GSTCD: variants seen among roughly 807,000 people sequenced by gnomAD.
GSTCD encodes the protein glutathione S-transferase C-terminal domain containing.
GSTCD carries 44 observed loss-of-function variants against 68.3 expected under a neutral mutation model. The ratio of observed to expected loss-of-function variants is 0.64; its 90% CI spans 0.51 to 0.83. GSTCD has a LOEUF of 0.83. Ranked by LOEUF, GSTCD falls within the 40% of genes least tolerant of loss-of-function variation. The pLI is 0.00. For synonymous variants in GSTCD, 273 were observed against 255.2 expected (o/e 1.07, Z -0.67); for missense variants, 739 against 735.9 (o/e 1.00, Z -0.05).
intron 5 of GSTCD, among the ~76,000 whole-genome samples, chr4:105,771,008 T>C (rs566546898): frequency 6.6e-6 from 1 of 152,334 alleles, no homozygotes; most frequent in East Asian, 1.9e-4. Flanking sequence ...AGCATTCCTA[T>C]TTCTCCATAT....
At chr4:105,836,043 C>G (rs901789042) in intron 9 of GSTCD, among the ~76,000 whole-genome samples, 3 of 151,954 alleles carry the variant, frequency 2.0e-5, no homozygotes, top group African/African-American at 7.3e-5. Flanking sequence ...CATCTCATCT[C>G]TGCAACCCTC....
intron 5 of GSTCD, among the ~76,000 whole-genome samples, chr4:105,755,577 C>G (rs181183593): frequency 2.6e-5 from 4 of 152,138 alleles, no homozygotes; most frequent in African/African-American, 9.7e-5. Context: ...CATCATCTGC[C>G]TGGAGATAGT....
intron 5 of GSTCD, among the ~76,000 whole-genome samples, chr4:105,730,095 G>T (rs186500986): frequency 2.0e-3 from 309 of 152,266 alleles, no homozygotes; most frequent in Non-Finnish European, 3.6e-3. Context: ...TGGCTGCATA[G>T]TATTCCATGG....
At chr4:105,808,523 C>G (rs1194867187) in intron 5 of GSTCD, among the ~76,000 whole-genome samples, 1 of 152,058 alleles carries the variant, frequency 6.6e-6, no homozygotes, top group Non-Finnish European at 1.5e-5. Flanking sequence ...CTATTTAAGT[C>G]AAATAATGTC....
intron 5 of GSTCD, among the ~76,000 whole-genome samples, chr4:105,772,106 AG>A (rs958231400): frequency 1.3e-5 from 2 of 152,124 alleles, no homozygotes; most frequent in Non-Finnish European, 2.9e-5. Flanking sequence ...TTGTATTCCT[AG>A]GTATTTTATT....
chr4:105,816,708 A>G (rs1007181203), intron 5 of GSTCD, among the ~76,000 whole-genome samples: 2 of 152,078 alleles, frequency 1.3e-5, no homozygotes, highest in African/African-American at 4.8e-5. Context: ...AGACACCAGC[A>G]TTGAAATTCT....
At chr4:105,751,281 ATAATT>A (rs1432383981) in intron 5 of GSTCD, among the ~76,000 whole-genome samples, 3 of 152,324 alleles carry the variant, frequency 2.0e-5, no homozygotes, top group Admixed American at 2.0e-4. Context: ...AAAATTAAAA[ATAATT>A]TAAGCAGAAA....
intron 11 of GSTCD, 94 bp from the exon 12 acceptor site, chr4:105,845,347 T>C: frequency 7.3e-7 from 1 of 1,367,196 alleles, no homozygotes. Flanking sequence ...CCATAGTACT[T>C]GCAGATTTTG....
rs1560859626 is a variant in GSTCD, at chr4:105,845,469, G to A, written c.1794G>A (p.Leu598=). Residue 598 remains leucine (L), a synonymous_variant, in exon 12 of 12, where the codon CTG becomes CTA. Coordinates refer to ENST00000515279, the MANE Select transcript of GSTCD (RefSeq NM_001370181.1). ...IGKQCMCLVD[L]DRARAAEECG... Reference sequence around the variant, plus strand: ...AACAGTGCATGTGCTTGGTGGATCTGGATCGAGCAAGAGCTGCAGAAGAAT... The same window carrying A: ...AACAGTGCATGTGCTTGGTGGATCTAGATCGAGCAAGAGCTGCAGAAGAAT... 1.2e-6 allele frequency: 2 copies of A among 1,614,118 alleles called. No individual in the cohort carries two copies. The highest frequency in any genetic ancestry group is 4.5e-5 in the East Asian group (2 of 44,882).
chr4:105,779,948 T>C (rs1361878195), intron 5 of GSTCD, among the ~76,000 whole-genome samples: 1 of 152,224 alleles, frequency 6.6e-6, no homozygotes, highest in South Asian at 2.1e-4. Context: ...GATACTCAGA[T>C]TTTATGCCTG....
intron 3 of GSTCD, among the ~76,000 whole-genome samples, chr4:105,723,242 G>T (rs1170514546): frequency 6.6e-6 from 1 of 151,888 alleles, no homozygotes; most frequent in Non-Finnish European, 1.5e-5. Context: ...ATTCTTGAGA[G>T]AATTAATAAA....
intron 5 of GSTCD, among the ~76,000 whole-genome samples, chr4:105,777,593 G>A (rs1735120386): frequency 6.6e-6 from 1 of 152,120 alleles, no homozygotes; most frequent in Non-Finnish European, 1.5e-5. Context: ...TCTCCTCCAT[G>A]AGACTGCTAC....
At chr4:105,719,675 G>T in intron 3 of GSTCD, 148 bp downstream of exon 3, 1 of 631,152 alleles carries the variant, frequency 1.6e-6, no homozygotes, top group Non-Finnish European at 2.8e-6. Flanking sequence ...GTAAAATGGT[G>T]ATAATAATAG....
At chr4:105,841,189 TG>T (rs1724321894) in intron 10 of GSTCD, among the ~76,000 whole-genome samples, 1 of 151,844 alleles carries the variant, frequency 6.6e-6, no homozygotes, top group African/African-American at 2.4e-5. Context: ...GCCAGCATGG[TG>T]GCGTGCGCCT....
At chr4:105,722,583 A>G (rs1038781805) in intron 3 of GSTCD, among the ~76,000 whole-genome samples, 5 of 152,214 alleles carry the variant, frequency 3.3e-5, no homozygotes, top group African/African-American at 7.2e-5. Flanking sequence ...CAAATATTTT[A>G]TATAGTAAGT....
chr4:105,764,098 A>T (rs1734516616), intron 5 of GSTCD, among the ~76,000 whole-genome samples: 1 of 152,200 alleles, frequency 6.6e-6, no homozygotes, highest in South Asian at 2.1e-4. Context: ...ACAGAAAGTC[A>T]CATCAAAAGT....
chr4:105,808,274 C>T (rs754560083), intron 5 of GSTCD, among the ~76,000 whole-genome samples: 3 of 152,104 alleles, frequency 2.0e-5, no homozygotes, highest in Non-Finnish European at 4.4e-5. Context: ...CCTTATACCT[C>T]CACTGCAAAA....
chr4:105,770,658 T>A (rs1734809559), intron 5 of GSTCD, among the ~76,000 whole-genome samples: 1 of 152,206 alleles, frequency 6.6e-6, no homozygotes, highest in Non-Finnish European at 1.5e-5. Flanking sequence ...TTGCTGAGAA[T>A]GATGGTTTCC....
At chr4:105,717,383 A>T (rs1732712371) in intron 1 of GSTCD, among the ~76,000 whole-genome samples, 1 of 152,110 alleles carries the variant, frequency 6.6e-6, no homozygotes, top group Non-Finnish European at 1.5e-5. Flanking sequence ...GCTGGGTGTA[A>T]TATTTCCTCT....
Sources: allele counts gnomAD v4.1 joint callset (sites outside exome capture counted in the v4.1 genomes callset), GRCh38; gene constraint gnomAD v4.1.1; transcripts MANE v1.5; gene names NCBI Gene and HGNC (gene_info 2026-07-23, HGNC 2026-07-21).